Variants in GLIS3 observed in about 807,000 individuals in gnomAD.
GLIS3 encodes the protein GLIS family zinc finger 3.
Under a neutral mutation model 78.6 loss-of-function variants are expected in GLIS3, and 53 were observed. The ratio of observed to expected loss-of-function variants is 0.67; its 90% CI spans 0.54 to 0.85. The LOEUF (loss-of-function observed/expected upper bound fraction) is 0.85, where lower values mean the gene tolerates loss of function less well. Ranked by LOEUF, GLIS3 falls within the 40% of genes least tolerant of loss-of-function variation. The probability of loss-of-function intolerance (pLI) is 0.00; values close to 1 mark genes in which losing one functional copy is unlikely to be tolerated. For missense variants in GLIS3, 1,703 were observed against 1,231.1 expected (o/e 1.38, Z -5.74); for synonymous variants, 684 against 509.9 (o/e 1.34, Z -4.60).
chr9:4,277,497 C>G (rs1410637577), intron 2 of GLIS3, among the ~76,000 whole-genome samples: 1 of 152,192 alleles, frequency 6.6e-6, no homozygotes, highest in Non-Finnish European at 1.5e-5. Flanking sequence ...ACAAGAGACA[C>G]CAACCTTAAG....
intron 4 of GLIS3, among the ~76,000 whole-genome samples, chr9:4,099,343 T>C (rs1830191849): frequency 6.6e-6 from 1 of 152,238 alleles, no homozygotes; most frequent in African/African-American, 2.4e-5. Context: ...TGCTAGTTTC[T>C]GGTGGTTTGC....
chr9:4,299,183 TG>T (rs1195530926), intron 1 of GLIS3, among the ~76,000 whole-genome samples: 1 of 152,220 alleles, frequency 6.6e-6, no homozygotes, highest in Non-Finnish European at 1.5e-5. Context: ...GACAGAAACA[TG>T]GTTTGAACCC....
chr9:4,227,889 C>A (rs1450608431), intron 2 of GLIS3, among the ~76,000 whole-genome samples: 1 of 152,134 alleles, frequency 6.6e-6, no homozygotes, highest in Non-Finnish European at 1.5e-5. Context: ...GTCCAGGGAC[C>A]CGAGGGACAC....
At chr9:4,366,273 A>C in the GLIS3 span, among the ~76,000 whole-genome samples, 1 of 152,246 alleles carries the variant, frequency 6.6e-6, no homozygotes, top group Non-Finnish European at 1.5e-5. Context: ...ATACCCAGCC[A>C]GAATCATTGT....
chr9:4,193,532 AAAATG>A (rs1291469842), intron 2 of GLIS3, among the ~76,000 whole-genome samples: 3 of 152,236 alleles, frequency 2.0e-5, no homozygotes, highest in Non-Finnish European at 4.4e-5. Context: ...GACAGCTGAG[AAAATG>A]ACACACGGCT....
chr9:3,887,551 A>AT (rs1822164002), intron 7 of GLIS3, among the ~76,000 whole-genome samples: 1 of 152,210 alleles, frequency 6.6e-6, no homozygotes, highest in African/African-American at 2.4e-5. Flanking sequence ...ACAAACAGAT[A>AT]TTCCCCCATG....
intron 4 of GLIS3, among the ~76,000 whole-genome samples, chr9:4,087,593 G>A (rs1229613586): frequency 1.3e-5 from 2 of 152,098 alleles, no homozygotes; most frequent in Admixed American, 6.5e-5. Flanking sequence ...TGTGGGCTCT[G>A]GCCTCATAGA....
At chr9:4,398,028 A>G in the GLIS3 span, among the ~76,000 whole-genome samples, 2 of 152,174 alleles carry the variant, frequency 1.3e-5, no homozygotes, top group African/African-American at 4.8e-5. Flanking sequence ...TCTGATGCAG[A>G]GACAAAAAGA....
chr9:3,920,618 T>TG (rs937020785), intron 6 of GLIS3, among the ~76,000 whole-genome samples: 16 of 151,414 alleles, frequency 1.1e-4, no homozygotes, highest in African/African-American at 3.2e-4. Context: ...GGTTTTTTTT[T>TG]TTTTTTTTTT....
At chr9:4,077,445 A>G (rs188063728) in intron 4 of GLIS3, among the ~76,000 whole-genome samples, 1 of 152,278 alleles carries the variant, frequency 6.6e-6, no homozygotes, top group African/African-American at 2.4e-5. Context: ...TGGCCTGGAG[A>G]AAATAAAACT....
At chr9:4,414,766 A>T in the GLIS3 span, among the ~76,000 whole-genome samples, 1 of 152,132 alleles carries the variant, frequency 6.6e-6, no homozygotes, top group Non-Finnish European at 1.5e-5. Context: ...CCCATCCTGC[A>T]TATCTGATCA....
intron 4 of GLIS3, among the ~76,000 whole-genome samples, chr9:3,950,537 C>T (rs1816608853): frequency 6.6e-6 from 1 of 152,234 alleles, no homozygotes; most frequent in South Asian, 2.1e-4. Context: ...GGCATTTGCA[C>T]ATGCTATTTC....
the GLIS3 span, among the ~76,000 whole-genome samples, chr9:4,433,887 G>A: frequency 6.6e-6 from 1 of 152,158 alleles, no homozygotes; most frequent in Non-Finnish European, 1.5e-5. Flanking sequence ...ATGAGCTCAA[G>A]AGTTAGAGAC....
intron 1 of GLIS3, among the ~76,000 whole-genome samples, chr9:4,297,871 G>A (rs918151195): frequency 1.3e-5 from 2 of 152,146 alleles, no homozygotes; most frequent in African/African-American, 4.8e-5. Flanking sequence ...CAGGAGGAGG[G>A]CGGCCCTTAT....
intron 4 of GLIS3, chr9:4,054,242 A>T: frequency 1.4e-6 from 1 of 696,898 alleles, no homozygotes; most frequent in Non-Finnish European, 1.8e-6. Context: ...GAGGGCAGAG[A>T]TCTCATCCTT....
intron 6 of GLIS3, among the ~76,000 whole-genome samples, chr9:3,917,317 T>C (rs1181541469): frequency 6.6e-6 from 1 of 152,238 alleles, no homozygotes; most frequent in African/African-American, 2.4e-5. Context: ...GAGCTGAAGA[T>C]GTTTGCATGA....
intron 2 of GLIS3, among the ~76,000 whole-genome samples, chr9:4,331,174 G>C (rs1378609151): frequency 1.3e-5 from 2 of 152,180 alleles, no homozygotes; most frequent in Non-Finnish European, 2.9e-5. Flanking sequence ...CCCCCTGAAA[G>C]CTCTAGAGAT....
At chr9:4,156,019 C>T (rs745809828) in intron 2 of GLIS3, among the ~76,000 whole-genome samples, 3 of 152,116 alleles carry the variant, frequency 2.0e-5, no homozygotes, top group African/African-American at 7.2e-5. Flanking sequence ...TCATCCATAA[C>T]CCAAATAAAT....
At chr9:3,848,518 A>T (rs1819207444) in intron 9 of GLIS3, among the ~76,000 whole-genome samples, 1 of 152,030 alleles carries the variant, frequency 6.6e-6, no homozygotes, top group African/African-American at 2.4e-5. Flanking sequence ...ATAAATAAAT[A>T]AAATAAAAAT....
Sources: gnomAD v4.1 joint callset for allele counts (sites outside exome capture counted in the v4.1 genomes callset) on GRCh38, gnomAD v4.1.1 for gene constraint, MANE v1.5 for transcripts, NCBI Gene and HGNC (gene_info 2026-07-23, HGNC 2026-07-21) for gene names.